NDST3: variants seen among roughly 807,000 people sequenced by gnomAD.
NDST3 encodes the protein bifunctional heparan sulfate N-deacetylase/N-sulfotransferase 3.
NDST3 carries 58 observed loss-of-function variants against 96.1 expected under a neutral mutation model. The ratio of observed to expected loss-of-function variants is 0.60; its 90% confidence interval spans 0.49 to 0.75. The LOEUF (loss-of-function observed/expected upper bound fraction) is 0.75, where lower values mean the gene tolerates loss of function less well. Ranked by LOEUF, NDST3 falls within the 30% of genes least tolerant of loss-of-function variation. The pLI is 0.00. For synonymous variants in NDST3, 333 were observed against 359.7 expected (o/e 0.93, Z 0.84); for missense variants, 788 against 1,034.2 (o/e 0.76, Z 3.27).
At chr4:118,238,167 GAAAGAAAGAAAGAAAGAA>G (rs1006221004) in intron 10 of NDST3, among the ~76,000 whole-genome samples, 5 of 33,476 alleles carry the variant, frequency 1.5e-4, no homozygotes, top group Non-Finnish European at 2.9e-4. Context: ...AAGAAAGAAA[GAAAGAAAGAAAGAAAGAA>G]AGAAAGAAAG....
chr4:118,227,033 G>A (rs748564159), intron 8 of NDST3, 51 bp downstream of exon 8: 1 of 1,187,212 alleles, frequency 8.4e-7, no homozygotes, highest in South Asian at 1.3e-5. Context: ...CTGATGACTA[G>A]ACAATGAGAT....
chr4:118,205,512 T>C (rs1738378416), intron 6 of NDST3, among the ~76,000 whole-genome samples: 2 of 144,914 alleles, frequency 1.4e-5, no homozygotes, highest in African/African-American at 5.1e-5. Flanking sequence ...GACAGTTGTA[T>C]CTACATTAGA....
intron 4 of NDST3, among the ~76,000 whole-genome samples, chr4:118,131,928 T>C (rs1448107454): frequency 2.0e-5 from 3 of 152,250 alleles, no homozygotes; most frequent in African/African-American, 7.2e-5. Context: ...TTCTCTGTGC[T>C]GAGCTGCCTG....
At position 118,218,132 on chromosome 4, in the gene NDST3, T is replaced by C. The variant is rs187155560; in HGVS notation, c.1540-6359T>C. 2.6e-5 allele frequency among the ~76,000 whole-genome samples: 4 copies of C among 152,172 alleles called. No homozygotes were observed. The East Asian group carries it at 7.7e-4, about 29-fold the overall frequency. On this transcript the variant is annotated intron_variant, in intron 6 of 13. Coordinates refer to ENST00000296499, the MANE Select transcript of NDST3 (RefSeq NM_004784.3). ...AGAGGTAAAAAGAGGAGCTGGTATC[T>C]TTCCTTCTGAAACTATTCCAAACAA...
intron 4 of NDST3, among the ~76,000 whole-genome samples, chr4:118,116,234 A>G (rs1252985363): frequency 6.6e-6 from 1 of 152,172 alleles, no homozygotes; most frequent in Non-Finnish European, 1.5e-5. Context: ...TTATGTGGGG[A>G]AAAAATTACT....
chr4:118,182,234 T>C (rs1321614524), intron 6 of NDST3, among the ~76,000 whole-genome samples: 1 of 152,070 alleles, frequency 6.6e-6, no homozygotes, highest in Non-Finnish European at 1.5e-5. Flanking sequence ...AGCCAAGTTC[T>C]CGGGACACGA....
chr4:118,052,287 C>A (rs934729567), intron 1 of NDST3, among the ~76,000 whole-genome samples: 2 of 151,914 alleles, frequency 1.3e-5, no homozygotes, highest in Non-Finnish European at 1.5e-5. Flanking sequence ...CAGGAACAGA[C>A]AACAAAATAC....
intron 8 of NDST3, among the ~76,000 whole-genome samples, chr4:118,231,332 T>A (rs1740276267): frequency 1.1e-5 from 1 of 94,398 alleles, no homozygotes; most frequent in Non-Finnish European, 2.6e-5. Context: ...CAAGACTCCA[T>A]CTAAAAAAAA....
In NDST3 at chr4:118,256,941, C is replaced by T. The variant is rs1742154849; in HGVS notation, c.*1229C>T. 1.3e-5 allele frequency: 2 copies of T among 151,954 alleles called. No homozygotes were observed. Among genetic ancestry groups the T allele is most frequent in the South Asian group, 4.2e-4 (2 of 4,810 alleles). 9.4% of individuals were successfully genotyped at this position (151,954 alleles called of 1,614,324 possible). The stretch of plus-strand genomic sequence containing the variant: ...AGGCCCATTTTTGAAAATATTTCAC[C>T]CATCACTCTGGTGGAAGTAACAGAT... On this transcript the variant is annotated 3_prime_UTR_variant, in exon 14 of 14. Coordinates refer to ENST00000296499, the MANE Select transcript of NDST3 (RefSeq NM_004784.3).
At chr4:118,065,966 C>T (rs1366323545) in intron 2 of NDST3, among the ~76,000 whole-genome samples, 2 of 145,444 alleles carry the variant, frequency 1.4e-5, no homozygotes, top group African/African-American at 2.6e-5. Flanking sequence ...AAAAATATTG[C>T]GTGTAGAAAT....
chr4:118,121,007 A>G (rs1731519216), intron 4 of NDST3, among the ~76,000 whole-genome samples: 1 of 151,078 alleles, frequency 6.6e-6, no homozygotes, highest in Non-Finnish European at 1.5e-5. Context: ...TCAAGTATTT[A>G]TTTTTATCCA....
chr4:118,191,630 T>C (rs1181426770), intron 6 of NDST3, among the ~76,000 whole-genome samples: 1 of 152,222 alleles, frequency 6.6e-6, no homozygotes, highest in Non-Finnish European at 1.5e-5. Context: ...ACATGAGATG[T>C]ATTGAAACAG....
chr4:118,046,601 C>G (rs963985413), intron 1 of NDST3, among the ~76,000 whole-genome samples: 2 of 152,148 alleles, frequency 1.3e-5, no homozygotes, highest in African/African-American at 4.8e-5. Context: ...CTTGCTCCAC[C>G]TGATTATGTT....
chr4:118,107,335 C>T (rs1730282526), intron 3 of NDST3, among the ~76,000 whole-genome samples: 1 of 151,980 alleles, frequency 6.6e-6, no homozygotes, highest in Non-Finnish European at 1.5e-5. Context: ...TGACTTGCCT[C>T]AGGATAGATG....
At chr4:118,170,046 G>A (rs1488806094) in intron 6 of NDST3, among the ~76,000 whole-genome samples, 1 of 152,186 alleles carries the variant, frequency 6.6e-6, no homozygotes, top group Non-Finnish European at 1.5e-5. Flanking sequence ...TAAGGCAGAA[G>A]CAGAATTGCC....
At chr4:118,215,555 A>C (rs1739142691) in intron 6 of NDST3, among the ~76,000 whole-genome samples, 1 of 152,070 alleles carries the variant, frequency 6.6e-6, no homozygotes, top group Admixed American at 6.6e-5. Context: ...AGTGGCTAGA[A>C]AAGATAAAAT....
At chr4:118,255,452 T>C in intron 13 of NDST3, 141 bp from the exon 14 acceptor site, 1 of 856,538 alleles carries the variant, frequency 1.2e-6, no homozygotes, top group Non-Finnish European at 1.7e-6. Context: ...TATCATAGCA[T>C]GTGCTAAATA....
At chr4:118,157,085 G>T (rs925750246) in intron 6 of NDST3, among the ~76,000 whole-genome samples, 23 of 151,944 alleles carry the variant, frequency 1.5e-4, no homozygotes, top group African/African-American at 4.8e-5. Context: ...TAAGAGACTA[G>T]TTAAAAAAAT....
chr4:118,195,747 T>G (rs1179241832), intron 6 of NDST3, among the ~76,000 whole-genome samples: 1 of 152,248 alleles, frequency 6.6e-6, no homozygotes, highest in Non-Finnish European at 1.5e-5. Context: ...TAATAGTTTT[T>G]TGGTGGCGTC....
Sources: gnomAD v4.1 joint callset for allele counts (sites outside exome capture counted in the v4.1 genomes callset) on GRCh38, gnomAD v4.1.1 for gene constraint, MANE v1.5 for transcripts, NCBI Gene and HGNC (gene_info 2026-07-23, HGNC 2026-07-21) for gene names.